SLC25A21: variants seen among roughly 807,000 people sequenced by gnomAD.
SLC25A21 encodes the protein solute carrier family 25 member 21, also known as mitochondrial 2-oxodicarboxylate carrier.
In SLC25A21, 47 loss-of-function variants were observed where a neutral mutation model predicts 43.8. The observed-to-expected ratio is 1.07, with a 90% CI of 0.85 to 1.37. SLC25A21 has a LOEUF of 1.37. Among genes scored for constraint, SLC25A21 ranks in the 40% most tolerant of loss-of-function variants. The probability of loss-of-function intolerance (pLI) is 0.00; values close to 1 mark genes in which losing one functional copy is unlikely to be tolerated. For missense variants in SLC25A21, 352 were observed against 350.2 expected (o/e 1.00, Z -0.04); for synonymous variants, 131 against 121.3 (o/e 1.08, Z -0.52).
chr14:36,956,570 C>T lies in SLC25A21; in HGVS notation c.71-81566G>A, dbSNP rs138349047. ...CCTAGCATTTGCTCATTCATTCATTCGTTTATTTTTTTTGACAAAGAGAGT... is the reference window on the plus strand; with the variant it reads ...CCTAGCATTTGCTCATTCATTCATTTGTTTATTTTTTTTGACAAAGAGAGT... On this transcript the variant is annotated intron_variant, in intron 1 of 9. Transcript: ENST00000331299. Among the ~76,000 whole-genome samples, 956 of 152,206 alleles carry T rather than the reference C, an allele frequency of 6.3e-3. 10 individuals are homozygous for T. The highest frequency in any genetic ancestry group is 0.02 in the African/African-American group (838 of 41,532).
At chr14:36,990,738 TGTG>T (rs1960245052) in intron 1 of SLC25A21, among the ~76,000 whole-genome samples, 1 of 151,896 alleles carries the variant, frequency 6.6e-6, no homozygotes, top group African/African-American at 2.4e-5. Context: ...ATTAGCTGGG[TGTG>T]GTGGTGGTGT....
intron 3 of SLC25A21, among the ~76,000 whole-genome samples, chr14:36,749,954 T>C (rs1389920345): frequency 6.6e-6 from 1 of 152,236 alleles, no homozygotes; most frequent in African/African-American, 2.4e-5. Flanking sequence ...TTATTTACTC[T>C]CTGTTGTTCC....
chr14:36,742,214 C>T (rs1885297624), intron 3 of SLC25A21, among the ~76,000 whole-genome samples: 1 of 152,156 alleles, frequency 6.6e-6, no homozygotes. Flanking sequence ...TTAAGGATCT[C>T]CTAATACAAA....
At chr14:37,023,080 C>T (rs1406456044) in intron 1 of SLC25A21, among the ~76,000 whole-genome samples, 1 of 151,916 alleles carries the variant, frequency 6.6e-6, no homozygotes, top group South Asian at 2.1e-4. Context: ...CTGTGATTAC[C>T]AACAAGCTGA....
intron 1 of SLC25A21, among the ~76,000 whole-genome samples, chr14:36,899,441 C>T (rs905126067): frequency 2.6e-5 from 4 of 152,150 alleles, no homozygotes; most frequent in Non-Finnish European, 4.4e-5. Context: ...AAAATGGCAC[C>T]GTCTCCGAAC....
At chr14:37,029,588 C>G (rs1961164725) in intron 1 of SLC25A21, among the ~76,000 whole-genome samples, 1 of 152,106 alleles carries the variant, frequency 6.6e-6, no homozygotes. Context: ...TACTTACAGA[C>G]AGAATCCCTC....
At chr14:37,155,060 A>G (rs1292521928) in intron 1 of SLC25A21, among the ~76,000 whole-genome samples, 1 of 151,820 alleles carries the variant, frequency 6.6e-6, no homozygotes, top group Non-Finnish European at 1.5e-5. Flanking sequence ...AAAATCTCAG[A>G]ACTAAAAGAC....
chr14:36,764,166 AAGAAAGAAAGAAAGAAAGAAAGAAAG>A (rs1886300585), intron 3 of SLC25A21, among the ~76,000 whole-genome samples: 18 of 71,232 alleles, frequency 2.5e-4, no homozygotes, highest in African/African-American at 9.9e-4. Flanking sequence ...GAAAGAAAGA[AAGAAAGAAAGAAAGAAAGAAAGAAAG>A]AGAAAGAAAG....
At chr14:36,995,501 C>T (rs1960353073) in intron 1 of SLC25A21, among the ~76,000 whole-genome samples, 1 of 152,096 alleles carries the variant, frequency 6.6e-6, no homozygotes, top group Admixed American at 6.5e-5. Context: ...TCATGTGTTG[C>T]TGATGATAAA....
chr14:36,741,651 C>A (rs1885269120), intron 3 of SLC25A21, among the ~76,000 whole-genome samples: 1 of 152,142 alleles, frequency 6.6e-6, no homozygotes, highest in Non-Finnish European at 1.5e-5. Flanking sequence ...CAGAAATGAT[C>A]TCCAAGTTGA....
At chr14:36,979,635 C>A (rs554154326) in intron 1 of SLC25A21, among the ~76,000 whole-genome samples, 2 of 152,106 alleles carry the variant, frequency 1.3e-5, no homozygotes, top group African/African-American at 4.8e-5. Flanking sequence ...GTATTACAGG[C>A]GCAAGCCACC....
At chr14:36,856,160 C>T (rs1332365717) in intron 2 of SLC25A21, among the ~76,000 whole-genome samples, 1 of 152,152 alleles carries the variant, frequency 6.6e-6, no homozygotes, top group African/African-American at 2.4e-5. Context: ...GGCATCCAAT[C>T]TGGTGTCTTT....
chr14:37,143,611 T>C (rs1406807028), intron 1 of SLC25A21, among the ~76,000 whole-genome samples: 1 of 151,940 alleles, frequency 6.6e-6, no homozygotes, highest in Non-Finnish European at 1.5e-5. Context: ...TGTGTGTGTG[T>C]GTGTGTGTCT....
At chr14:36,795,802 C>T (rs968810678) in intron 3 of SLC25A21, among the ~76,000 whole-genome samples, 3 of 152,130 alleles carry the variant, frequency 2.0e-5, no homozygotes, top group African/African-American at 4.8e-5. Context: ...GAACCAAACC[C>T]ATAGTACGAA....
intron 1 of SLC25A21, among the ~76,000 whole-genome samples, chr14:36,933,311 T>G (rs968724812): frequency 6.6e-6 from 1 of 152,098 alleles, no homozygotes; most frequent in African/African-American, 2.4e-5. Flanking sequence ...CTTCTTTCGA[T>G]TGCAGTTTTC....
At chr14:37,140,227 T>C (rs1362673170) in intron 1 of SLC25A21, among the ~76,000 whole-genome samples, 2 of 152,248 alleles carry the variant, frequency 1.3e-5, no homozygotes, top group Admixed American at 6.5e-5. Context: ...TTTCAGATCA[T>C]ATATTCTGCC....
At chr14:36,838,748 T>C (rs1020777935) in intron 2 of SLC25A21, among the ~76,000 whole-genome samples, 2 of 152,244 alleles carry the variant, frequency 1.3e-5, no homozygotes, top group African/African-American at 2.4e-5. Flanking sequence ...TTTCTGTTCA[T>C]GGTAACGTGA....
chr14:37,004,194 G>T (rs1052414615), intron 1 of SLC25A21, among the ~76,000 whole-genome samples: 3 of 152,098 alleles, frequency 2.0e-5, no homozygotes, highest in African/African-American at 7.2e-5. Flanking sequence ...TAATGAAAGA[G>T]CCATTTGATG....
intron 1 of SLC25A21, among the ~76,000 whole-genome samples, chr14:37,040,340 G>A (rs183205062): frequency 0.025 from 1,027 of 41,918 alleles, 401 homozygotes; most frequent in African/African-American, 0.2. Context: ...AAGGAAGGAA[G>A]GAAGGAAGGA....
Sources: gnomAD v4.1 joint callset for allele counts (sites outside exome capture counted in the v4.1 genomes callset) on GRCh38, gnomAD v4.1.1 for gene constraint, MANE v1.5 for transcripts, NCBI Gene and HGNC (gene_info 2026-07-23, HGNC 2026-07-21) for gene names.